SLC25A42: variants seen among roughly 807,000 people sequenced by gnomAD.
The protein encoded by SLC25A42 is solute carrier family 25 member 42, also known as mitochondrial coenzyme A transporter SLC25A42.
Under a neutral mutation model 34.7 loss-of-function variants are expected in SLC25A42, and 19 were observed. That is an observed-to-expected ratio of 0.55 (90% confidence interval 0.38 to 0.80). SLC25A42 has a LOEUF of 0.80. Among genes scored for constraint, SLC25A42 ranks in the 30% least tolerant of loss-of-function variants. The probability of loss-of-function intolerance (pLI) is 0.00; values close to 1 mark genes in which losing one functional copy is unlikely to be tolerated. For missense variants in SLC25A42, 364 were observed against 441.3 expected (o/e 0.82, Z 1.57); for synonymous variants, 205 against 191.2 (o/e 1.07, Z -0.59).
At chr19:19,073,987 C>T (rs1029557595) in intron 1 of SLC25A42, among the ~76,000 whole-genome samples, 1 of 152,192 alleles carries the variant, frequency 6.6e-6, no homozygotes, top group African/African-American at 2.4e-5. Context: ...GGATTACAGG[C>T]ATGAGCCACC....
At chr19:19,065,615 G>A (rs1482119387) in intron 1 of SLC25A42, among the ~76,000 whole-genome samples, 1 of 152,136 alleles carries the variant, frequency 6.6e-6, no homozygotes, top group Non-Finnish European at 1.5e-5. Context: ...AGAGGGTCAT[G>A]TCACCTTCAG....
At chr19:19,067,113 G>T (rs771457600) in intron 1 of SLC25A42, among the ~76,000 whole-genome samples, 6 of 151,736 alleles carry the variant, frequency 4.0e-5, no homozygotes, top group Non-Finnish European at 2.9e-5. Context: ...CTCTCCTGTG[G>T]CCAGCTCAGT....
At chr19:19,098,584 G>A (rs1175309912) in intron 2 of SLC25A42, among the ~76,000 whole-genome samples, 1 of 149,512 alleles carries the variant, frequency 6.7e-6, no homozygotes, top group Non-Finnish European at 1.5e-5. Context: ...GGCAGAGTGG[G>A]ATCCTATCTC....
At position 19,111,537 on chromosome 19, in the gene SLC25A42, A is replaced by G. The variant is rs2059865215; in HGVS notation, c.*661A>G. Reference sequence around the variant, plus strand: ...GACCCTGCAAGCAGCTGGGTCCCCAAGAGTGCATCTCCCCCTAGAGTTGCC... The same window carrying G: ...GACCCTGCAAGCAGCTGGGTCCCCAGGAGTGCATCTCCCCCTAGAGTTGCC... On this transcript the variant is annotated 3_prime_UTR_variant, in exon 8 of 8. Transcript: ENST00000318596. 2 of 153,184 alleles carry G rather than the reference A, an allele frequency of 1.3e-5. No individual in the cohort carries two copies. The highest frequency in any genetic ancestry group is 1.3e-4 in the Admixed American group (2 of 15,390). 9.5% of individuals were successfully genotyped at this position (153,184 alleles called of 1,614,324 possible).
At chr19:19,076,479 A>C (rs2059656568) in intron 1 of SLC25A42, among the ~76,000 whole-genome samples, 1 of 151,976 alleles carries the variant, frequency 6.6e-6, no homozygotes, top group Non-Finnish European at 1.5e-5. Flanking sequence ...TAAAAAAACA[A>C]AACAAAACAG....
intron 1 of SLC25A42, among the ~76,000 whole-genome samples, chr19:19,068,414 C>G (rs2059613157): frequency 6.7e-6 from 1 of 149,562 alleles, no homozygotes. Flanking sequence ...CGCCTTTCAT[C>G]CTAGCACTTT....
chr19:19,106,598 A>G (rs116661665), intron 6 of SLC25A42: 5 of 418,648 alleles, frequency 1.2e-5, no homozygotes, highest in Non-Finnish European at 2.2e-5. Flanking sequence ...AGATCAAACC[A>G]AGGGTCTTCA....
rs1010660221 is a variant in SLC25A42 at position 19,112,284 on chromosome 19, C to G, written c.*1408C>G. 6.6e-6 allele frequency: 1 copy of G among 152,508 alleles called. No homozygotes were observed. Among genetic ancestry groups the G allele is most frequent in the Non-Finnish European group, 1.5e-5 (1 of 68,226 alleles). 9.4% of individuals were successfully genotyped at this position (152,508 alleles called of 1,614,324 possible). ...AGTCGTGACTTCATTTCCCTTCCTTCTGTCCTCCTCCTGTTCTTGCCTTGG... is the reference window on the plus strand; with the variant it reads ...AGTCGTGACTTCATTTCCCTTCCTTGTGTCCTCCTCCTGTTCTTGCCTTGG... On this transcript the variant is annotated 3_prime_UTR_variant, in exon 8 of 8. Transcript: ENST00000318596. This position sits in a 1 kb window ranked among gnomAD's most constrained non-coding sequence, Gnocchi z 4.3.
At chr19:19,089,819 A>G (rs968549943) in intron 1 of SLC25A42, among the ~76,000 whole-genome samples, 1 of 152,076 alleles carries the variant, frequency 6.6e-6, no homozygotes, top group Non-Finnish European at 1.5e-5. Context: ...CAGTGAGCCG[A>G]GATCACACCA....
chr19:19,068,213 G>A (rs2059611840), intron 1 of SLC25A42, among the ~76,000 whole-genome samples: 1 of 151,922 alleles, frequency 6.6e-6, no homozygotes, highest in African/African-American at 2.4e-5. Flanking sequence ...AAATTAGCCA[G>A]GCGTAGTGGC....
At chr19:19,096,851 C>T (rs1004365487) in intron 2 of SLC25A42, among the ~76,000 whole-genome samples, 7 of 152,118 alleles carry the variant, frequency 4.6e-5, no homozygotes, top group East Asian at 3.9e-4. Context: ...GCAGTTGAAT[C>T]GCTTGAACCT....
intron 1 of SLC25A42, among the ~76,000 whole-genome samples, chr19:19,080,916 T>C (rs1425288013): frequency 1.0e-4 from 2 of 20,098 alleles, no homozygotes; most frequent in African/African-American, 5.5e-4. Flanking sequence ...AGAGACCCTA[T>C]AAAATTTAAA....
chr19:19,105,274 C>T, intron 4 of SLC25A42: 1 of 573,232 alleles, frequency 1.7e-6, no homozygotes, highest in Non-Finnish European at 3.1e-6. Flanking sequence ...TGCCCTTGGG[C>T]AGGGCTCCGA....
rs1046184819 is a variant in SLC25A42 at position 19,112,189 on chromosome 19, A to G, written c.*1313A>G. The G allele has an allele frequency of 6.6e-6, 1 of 152,236 alleles. No individual in the cohort carries two copies. The highest frequency in any genetic ancestry group is 6.5e-5 in the Admixed American group (1 of 15,272). The allele number at this position is 152,236 out of a possible 1,614,324, so 9.4% of individuals were successfully genotyped here. A position where few individuals can be genotyped will look rare whatever the true frequency, so the allele number is the denominator to read the frequency against. On this transcript the variant is annotated 3_prime_UTR_variant, in exon 8 of 8. Coordinates refer to ENST00000318596, the MANE Select transcript of SLC25A42 (RefSeq NM_178526.5). This position sits in a 1 kb window ranked among gnomAD's most constrained non-coding sequence, Gnocchi z 4.3. Reference sequence around the variant, plus strand: ...TCTGCCTGGTGCCAGGGTGAGCGTGACCGTGAGTGTTGCTTTCGACAGCTG... The same window carrying G: ...TCTGCCTGGTGCCAGGGTGAGCGTGGCCGTGAGTGTTGCTTTCGACAGCTG...
intron 1 of SLC25A42, 79 bp from the exon 2 acceptor site, chr19:19,096,012 G>A (rs1473538843): frequency 1.0e-6 from 1 of 958,052 alleles, no homozygotes; most frequent in Non-Finnish European, 1.7e-6. Context: ...GCCAGAAACT[G>A]GGATAGGAAA....
chr19:19,090,844 A>G (rs1599677379), intron 1 of SLC25A42, among the ~76,000 whole-genome samples: 1 of 152,212 alleles, frequency 6.6e-6, no homozygotes, highest in Non-Finnish European at 1.5e-5. Flanking sequence ...GAAAAGAAAC[A>G]GTGCTTCCTG....
At chr19:19,079,837 C>T (rs2059672392) in intron 1 of SLC25A42, among the ~76,000 whole-genome samples, 2 of 152,180 alleles carry the variant, frequency 1.3e-5, no homozygotes, top group Non-Finnish European at 2.9e-5. Flanking sequence ...TCCCAAAGTG[C>T]TGGGATTATG....
chr19:19,111,094 C>T lies in SLC25A42; in HGVS notation c.*218C>T. On this transcript the variant is annotated 3_prime_UTR_variant, in exon 8 of 8. Transcript: ENST00000318596. ...GTGTTGGGGCGATGGTGTGGGGGGT[C>T]CCGCAGCTCCCCTCTTCCTTCCTCT... 4 of 584,902 alleles carry T rather than the reference C, an allele frequency of 6.8e-6. No homozygotes were observed. Among genetic ancestry groups the T allele is most frequent in the South Asian group, 2.0e-5 (1 of 49,294 alleles). The allele number at this position is 584,902 out of a possible 1,614,324, so 36.2% of individuals were successfully genotyped here.
chr19:19,080,302 G>C (rs1423898893), intron 1 of SLC25A42, among the ~76,000 whole-genome samples: 1 of 152,144 alleles, frequency 6.6e-6, no homozygotes, highest in Non-Finnish European at 1.5e-5. Flanking sequence ...TGAGGGTGAA[G>C]GGTCACTGCT....
Sources: gnomAD v4.1 joint callset for allele counts (sites outside exome capture counted in the v4.1 genomes callset) on GRCh38, gnomAD v4.1.1 for gene constraint, Gnocchi (gnomAD v3.1) non-coding constraint, MANE v1.5 for transcripts, NCBI Gene and HGNC (gene_info 2026-07-23, HGNC 2026-07-21) for gene names.